Variants in IPO8 observed in about 807,000 individuals in gnomAD.
IPO8 encodes importin-8.
A neutral mutation model predicts 141.2 loss-of-function variants in IPO8; 65 were observed. The observed-to-expected ratio is 0.46, with a 90% CI of 0.38 to 0.57. The LOEUF (loss-of-function observed/expected upper bound fraction) is 0.57, where lower values mean the gene tolerates loss of function less well. Among genes scored for constraint, IPO8 ranks in the 20% least tolerant of loss-of-function variants. The pLI is 0.00. For missense variants in IPO8, 980 were observed against 1,246.8 expected, an observed-to-expected ratio of 0.79 and a Z score of 3.22; for synonymous variants, 411 against 420.3, an observed-to-expected ratio of 0.98 and a Z score of 0.27.
chr12:30,638,012 A>G (rs2052525756), intron 21 of IPO8, among the ~76,000 whole-genome samples: 1 of 152,202 alleles, frequency 6.6e-6, no homozygotes, highest in Non-Finnish European at 1.5e-5. Context: ...ATGCCCAACT[A>G]GTACGCTATA....
intron 5 of IPO8, among the ~76,000 whole-genome samples, chr12:30,678,255 T>C (rs887735631): frequency 2.3e-4 from 35 of 152,336 alleles, no homozygotes; most frequent in African/African-American, 8.2e-4. Context: ...TTTATAAGCA[T>C]AGACTAACGT....
chr12:30,687,844 T>C (rs762148780), intron 2 of IPO8, among the ~76,000 whole-genome samples: 6 of 152,040 alleles, frequency 3.9e-5, no homozygotes, highest in Non-Finnish European at 7.4e-5. Flanking sequence ...TGTTATATCT[T>C]CTCCCTGTCC....
rs746926694 is a variant in IPO8 at position 30,690,541 on chromosome 12, G to A, written c.121C>T (p.Arg41Trp). Residue 41 changes from arginine to tryptophan, a missense_variant, in exon 2 of 25, where the codon CGG becomes TGG. Arg to Trp is a moderately radical substitution (Grantham distance 101). Around this residue, in one of 3 missense-constraint regions of IPO8, gnomAD observed 16 missense variants for 46.6 expected, o/e 0.34. Transcript: ENST00000256079. Reference sequence around the variant, plus strand: ...TCCACATGGTCAGAGACTATAATCCGAAGTAAACTGGGGGCAAAATTGATA... The same window carrying A: ...TCCACATGGTCAGAGACTATAATCCAAAGTAAACTGGGGGCAAAATTGATA... ...KIINFAPSLL[R>W]IIVSDHVEFP... 29 of 1,594,712 alleles carry A rather than the reference G, an allele frequency of 1.8e-5. No individual in the cohort carries two copies. The highest frequency in any genetic ancestry group is 2.4e-5 in the Non-Finnish European group (28 of 1,172,106).
chr12:30,649,333 A>G, intron 19 of IPO8, 101 bp from the exon 20 acceptor site: 2 of 755,254 alleles, frequency 2.6e-6, no homozygotes, highest in Non-Finnish European at 4.2e-6. Flanking sequence ...CATAGGAACC[A>G]CAGCTTTGCT....
rs2052404231 is a variant in IPO8 at position 30,629,683 on chromosome 12, A to C, written c.*1177T>G. On this transcript the variant is annotated 3_prime_UTR_variant, in exon 25 of 25. Transcript: ENST00000256079. The stretch of plus-strand genomic sequence containing the variant: ...TTGAACTAGGTCAGAAAAACACTGT[A>C]ATCTCCATATGCAATATTTCCTATA... 6.6e-6 allele frequency: 1 copy of C among 152,192 alleles called. No homozygotes were observed. Among genetic ancestry groups the C allele is most frequent in the African/African-American group, 2.4e-5 (1 of 41,446 alleles). The allele number at this position is 152,192 out of a possible 1,614,324, so 9.4% of individuals were successfully genotyped here.
intron 2 of IPO8, among the ~76,000 whole-genome samples, chr12:30,689,409 C>T (rs752248934): frequency 6.6e-6 from 1 of 152,020 alleles, no homozygotes; most frequent in Non-Finnish European, 1.5e-5. Flanking sequence ...AAAGATGAAA[C>T]AAGTGCCAAT....
At chr12:30,668,015 C>A (rs543022901) in intron 10 of IPO8, among the ~76,000 whole-genome samples, 1 of 151,592 alleles carries the variant, frequency 6.6e-6, no homozygotes, top group South Asian at 2.1e-4. Context: ...CCTGTGGCCC[C>A]AACTACTTGG....
chr12:30,670,712 G>T (rs988349831), intron 9 of IPO8, among the ~76,000 whole-genome samples: 2 of 152,126 alleles, frequency 1.3e-5, no homozygotes, highest in African/African-American at 4.8e-5. Context: ...AGAAAATGAG[G>T]CTTAATGAGA....
At chr12:30,693,121 G>C (rs10843814) in intron 1 of IPO8, among the ~76,000 whole-genome samples, 32,299 of 152,058 alleles carry the variant, frequency 0.21, 3,587 homozygotes, top group East Asian at 0.3. Context: ...CCCTACCGAG[G>C]CCATGTGAAG....
At chr12:30,681,443 TTA>T (rs1248826837) in intron 4 of IPO8, among the ~76,000 whole-genome samples, 1 of 152,232 alleles carries the variant, frequency 6.6e-6, no homozygotes, top group Non-Finnish European at 1.5e-5. Context: ...GTGCTTCATA[TTA>T]TATCACTGTC....
At position 30,661,162 on chromosome 12, in the gene IPO8, T is replaced by G; in HGVS notation, c.1860A>C (p.Thr620=). 6.3e-7 allele frequency: 1 copy of G among 1,578,984 alleles called. No homozygotes were observed. Among genetic ancestry groups the G allele is most frequent in the Non-Finnish European group, 8.6e-7 (1 of 1,162,388 alleles). ...TCACCTCTTTATGATCTTCTACAAC[T>G]GTTAAGATAGTATCAATGGTATGTA... ...GILHTIDTIL[T]VVEDHKEITQ... Residue 620 remains threonine, a synonymous_variant, in exon 16 of 25, where the codon ACA becomes ACC. Coordinates refer to ENST00000256079, the MANE Select transcript of IPO8 (RefSeq NM_006390.4).
At chr12:30,666,087 T>C (rs1823999787) in intron 11 of IPO8, 88 bp downstream of exon 11, 1 of 894,718 alleles carries the variant, frequency 1.1e-6, no homozygotes, top group Admixed American at 2.7e-5. Flanking sequence ...AATAACAACA[T>C]AATTTCTCAA....
Position 30,695,443 on chromosome 12 carries a change from C to G in IPO8, c.84+121G>C, listed in dbSNP as rs1290639748. On this transcript the variant is annotated intron_variant, in intron 1 of 24. Coordinates refer to ENST00000256079, the MANE Select transcript of IPO8 (RefSeq NM_006390.4). The surrounding 1 kb of genome is among the most constrained non-coding windows in gnomAD (Gnocchi z 4.2). Reference sequence around the variant, plus strand: ...AGCGGGGTCGGAGAGCGGGACCAGCCGTGAGGCGTCAGCCCCAGCCCGGTG... The same window carrying G: ...AGCGGGGTCGGAGAGCGGGACCAGCGGTGAGGCGTCAGCCCCAGCCCGGTG... 3 of 785,700 alleles carry G rather than the reference C, an allele frequency of 3.8e-6. No homozygotes were observed. The highest frequency in any genetic ancestry group is 4.7e-5 in the Admixed American group (2 of 42,348). The allele number at this position is 785,700 out of a possible 1,614,324, so 48.7% of individuals were successfully genotyped here. A position where few individuals can be genotyped will look rare whatever the true frequency, so the allele number is the denominator to read the frequency against.
rs794153 is a variant in IPO8 at position 30,644,384 on chromosome 12, G to A, written c.2269-4649C>T. ...ATCCAATCTCCATTAAAAAAAAAAA[G>A]GTTTTTAAATAAATATCAGTAAAAC... On this transcript the variant is annotated intron_variant, in intron 20 of 24. Coordinates refer to ENST00000256079, the MANE Select transcript of IPO8 (RefSeq NM_006390.4). Among the ~76,000 whole-genome samples the A allele has an allele frequency of 5.4e-3, 750 of 137,718 alleles. 2 individuals are homozygous for A. Among genetic ancestry groups the A allele is most frequent in the African/African-American group, 0.02 (718 of 36,126 alleles). 90.3% of individuals were successfully genotyped at this position (137,718 alleles called of 152,430 possible).
At position 30,634,095 on chromosome 12, in the gene IPO8, G is replaced by T; in HGVS notation, c.2887C>A (p.Gln963Lys). The change falls in exon 23 of 25, where the codon CAA (glutamine) becomes AAA (lysine). Residue 963 changes from glutamine (Q) to lysine (K), a missense_variant. Physicochemically the swap from Gln to Lys is moderately conservative, Grantham distance 53 (BLOSUM62 1). Around this residue, in one of 3 missense-constraint regions of IPO8, gnomAD observed 924 missense variants for 1,153.9 expected, o/e 0.80. Coordinates refer to ENST00000256079, the MANE Select transcript of IPO8 (RefSeq NM_006390.4). ...NSVDEYQFFT[Q>K]ALITVQSRDA... ...AGTAAAGACATACTTATCAGAGCTT[G>T]TGTAAAAAACTGATATTCATCCACA... 1.9e-6 allele frequency: 3 copies of T among 1,612,986 alleles called. No homozygotes were observed. In the South Asian group the frequency reaches 3.3e-5, roughly 18 times the overall value.
In IPO8 at chr12:30,637,171, T is replaced by A. The variant is rs1410057384; in HGVS notation, c.2506A>T (p.Met836Leu). 6.2e-7 allele frequency: 1 copy of A among 1,613,000 alleles called. No individual in the cohort carries two copies. The highest frequency in any genetic ancestry group is 1.7e-5 in the Admixed American group (1 of 59,938). ...AGGATACTCAGTCCTATTATACACA[T>A]CTTCCGGTCATGATGCCTGCAAATT... is the stretch of plus-strand genomic sequence containing the variant. Reference protein sequence around the residue: ...DCFLGHHDRKMCIIGLSILLE... With the variant: ...DCFLGHHDRKLCIIGLSILLE... Residue 836 changes from methionine (M) to leucine (L), a missense_variant, in exon 22 of 25, where the codon ATG (methionine) becomes TTG (leucine). Transcript: ENST00000256079.
intron 1 of IPO8, among the ~76,000 whole-genome samples, chr12:30,693,889 C>G (rs2053313769): frequency 6.6e-6 from 1 of 152,046 alleles, no homozygotes; most frequent in Non-Finnish European, 1.5e-5. Context: ...TACGGCCATA[C>G]CACCCTGAAC....
intron 2 of IPO8, among the ~76,000 whole-genome samples, chr12:30,685,393 C>T (rs535926208): frequency 6.6e-6 from 1 of 151,688 alleles, no homozygotes; most frequent in African/African-American, 2.4e-5. Context: ...CCTGCCTCGG[C>T]CTCCCAAAGT....
chr12:30,684,328 C>T lies in IPO8; in HGVS notation c.296G>A (p.Gly99Glu), dbSNP rs1374894937. 2 of 1,613,968 alleles carry T rather than the reference C, an allele frequency of 1.2e-6. No homozygotes were observed. Among genetic ancestry groups the T allele is most frequent in the Non-Finnish European group, 1.7e-6 (2 of 1,179,996 alleles). ...CACTAAATCTGGAGACCGAATTATT[C>T]CTTCCACAATGTTATCACGTATTTG... ...RQQIRDNIVE[G>E]IIRSPDLVRV... The change falls in exon 3 of 25, where the codon GGA (glycine) becomes GAA (glutamate). Residue 99 changes from glycine (G) to glutamate (E), a missense_variant. By Grantham distance (98) the Gly-to-Glu change is moderately conservative (BLOSUM62 -2). Around this residue, in one of 3 missense-constraint regions of IPO8, gnomAD observed 924 missense variants for 1,153.9 expected, o/e 0.80. Coordinates refer to ENST00000256079, the MANE Select transcript of IPO8 (RefSeq NM_006390.4).
Sources: gnomAD v4.1 joint callset for allele counts (sites outside exome capture counted in the v4.1 genomes callset) on GRCh38, gnomAD v4.1.1 for gene constraint, gnomAD v4.1.1 regional missense constraint, Gnocchi (gnomAD v3.1) non-coding constraint, MANE v1.5 for transcripts, NCBI Gene and HGNC (gene_info 2026-07-23, HGNC 2026-07-21) for gene names.